The following BCAS3 variants were observed in gnomAD, a reference collection of about 807,000 sequenced individuals.
BCAS3 encodes BCAS3 microtubule associated cell migration factor.
A neutral mutation model predicts 116.1 loss-of-function variants in BCAS3; 53 were observed. The ratio of observed to expected loss-of-function variants is 0.46; its 90% confidence interval spans 0.37 to 0.57. The LOEUF (loss-of-function observed/expected upper bound fraction) is 0.57. BCAS3 is among the 20% of genes least tolerant of loss of function. BCAS3 has a pLI of 0.00. For missense variants in BCAS3, 917 were observed against 1,165.4 expected (o/e 0.79, Z 3.10); for synonymous variants, 391 against 408.2 (o/e 0.96, Z 0.51).
intron 4 of BCAS3, among the ~76,000 whole-genome samples, chr17:60,693,415 G>T (rs61081419): frequency 0.06 from 9,060 of 151,324 alleles, 1,100 homozygotes; most frequent in African/African-American, 0.21. Flanking sequence ...GCCAGTTTTT[G>T]TATTTTTTTT....
intron 7 of BCAS3, among the ~76,000 whole-genome samples, chr17:60,823,772 G>A (rs2050155044): frequency 6.6e-6 from 1 of 152,134 alleles, no homozygotes; most frequent in Non-Finnish European, 1.5e-5. Flanking sequence ...AGCCAATGGT[G>A]CATTAATATT....
In BCAS3 at chr17:61,229,466, A is replaced by G. The variant is rs1263164138; in HGVS notation, c.2426-138861A>G. On this transcript the variant is annotated intron_variant, in intron 22 of 23. Transcript: ENST00000407086. The surrounding 1 kb of genome is among the most constrained non-coding windows in gnomAD (Gnocchi z 4.4). The stretch of plus-strand genomic sequence containing the variant: ...ATCGATGTAGACAGAACAGCCTTCT[A>G]TTGGAAGAAGATGCCATCTAGGACT... Among the ~76,000 whole-genome samples, 1 of 152,236 alleles carries G rather than the reference A, an allele frequency of 6.6e-6. No homozygotes were observed. Among genetic ancestry groups the G allele is most frequent in the African/African-American group, 2.4e-5 (1 of 41,462 alleles).
At chr17:61,231,061 C>G (rs1404646031) in intron 22 of BCAS3, among the ~76,000 whole-genome samples, 2 of 151,328 alleles carry the variant, frequency 1.3e-5, no homozygotes, top group Non-Finnish European at 2.9e-5. Flanking sequence ...ACCTTGGCCT[C>G]CCAAAGTGCT....
At chr17:61,177,913 A>T (rs1307163804) in intron 22 of BCAS3, among the ~76,000 whole-genome samples, 1 of 152,146 alleles carries the variant, frequency 6.6e-6, no homozygotes, top group Non-Finnish European at 1.5e-5. Context: ...TGGCATTTTG[A>T]TTTTGGACTA....
rs1478133339 is a variant in BCAS3 at position 61,025,640 on chromosome 17, G to A, written c.1638-9026G>A. On this transcript the variant is annotated intron_variant, in intron 16 of 23. Transcript: ENST00000407086. Reference sequence around the variant, plus strand: ...TATTTTAAATGTGGATGCTGACATCGTACCGCTGGGTATGTTCTTATCTAA... The same window carrying A: ...TATTTTAAATGTGGATGCTGACATCATACCGCTGGGTATGTTCTTATCTAA... Among the ~76,000 whole-genome samples the A allele has an allele frequency of 3.9e-5, 6 of 152,056 alleles. No individual in the cohort carries two copies. In the East Asian group the frequency reaches 1.2e-3, roughly 29 times the overall value.
chr17:61,274,704 C>T lies in BCAS3; in HGVS notation c.2426-93623C>T, dbSNP rs529523588. Among the ~76,000 whole-genome samples, 11 of 152,208 alleles carry T rather than the reference C, an allele frequency of 7.2e-5. No homozygotes were observed. The South Asian group carries it at 8.3e-4, about 12-fold the overall frequency. Reference sequence around the variant, plus strand: ...GATCAGGAACACAGCAAGGGATGTCCACTCTCACCACTGCTATTCACCCAA... The same window carrying T: ...GATCAGGAACACAGCAAGGGATGTCTACTCTCACCACTGCTATTCACCCAA... On this transcript the variant is annotated intron_variant, in intron 22 of 23. Coordinates refer to ENST00000407086, the MANE Select transcript of BCAS3 (RefSeq NM_017679.5).
intron 19 of BCAS3, among the ~76,000 whole-genome samples, chr17:61,054,252 A>G (rs933833599): frequency 3.9e-5 from 6 of 152,172 alleles, no homozygotes; most frequent in African/African-American, 1.4e-4. Flanking sequence ...ATTACAACCT[A>G]ATGATCTGTA....
At chr17:60,986,921 G>A (rs2063175997) in intron 14 of BCAS3, 1 of 152,066 alleles carries the variant, frequency 6.6e-6, no homozygotes, top group Admixed American at 6.6e-5. Flanking sequence ...TCAATGTTCA[G>A]GAGTTTCCCA....
At position 61,124,030 on chromosome 17, in the gene BCAS3, T is replaced by G. The variant is rs538037553; in HGVS notation, c.2425+39466T>G. On this transcript the variant is annotated intron_variant, in intron 22 of 23. Coordinates refer to ENST00000407086, the MANE Select transcript of BCAS3 (RefSeq NM_017679.5). This position sits in a 1 kb window ranked among gnomAD's most constrained non-coding sequence, Gnocchi z 4.6. ...CTTTTATGTGCTTATACTACATGGT[T>G]TTCAGCTATCAAATGTTATTTCAAA... Among the ~76,000 whole-genome samples, 19 of 152,276 alleles carry G rather than the reference T, an allele frequency of 1.2e-4. No homozygotes were observed. Among genetic ancestry groups the G allele is most frequent in the African/African-American group, 4.6e-4 (19 of 41,554 alleles).
chr17:60,999,524 G>A (rs1235421094), intron 15 of BCAS3, among the ~76,000 whole-genome samples: 2 of 148,904 alleles, frequency 1.3e-5, no homozygotes, highest in South Asian at 2.1e-4. Flanking sequence ...TCCAGCCTGG[G>A]CGACAGGGTG....
chr17:60,959,450 A>T (rs895593323), intron 14 of BCAS3, among the ~76,000 whole-genome samples: 3 of 152,210 alleles, frequency 2.0e-5, no homozygotes, highest in African/African-American at 7.2e-5. Context: ...GAATGAAAAG[A>T]CACAAGTTGT....
chr17:61,102,239 A>G (rs1004958894), intron 22 of BCAS3, among the ~76,000 whole-genome samples: 1 of 152,166 alleles, frequency 6.6e-6, no homozygotes, highest in Non-Finnish European at 1.5e-5. Context: ...AAAGAAACCT[A>G]TTTGGAGAGG....
rs1383745612 is a variant in BCAS3, at chr17:61,021,680, C to T, written c.1637+5779C>T. Among the ~76,000 whole-genome samples, 2 of 152,192 alleles carry T rather than the reference C, an allele frequency of 1.3e-5. No homozygotes were observed. The highest frequency in any genetic ancestry group is 2.9e-5 in the Non-Finnish European group (2 of 68,040). Reference sequence around the variant, plus strand: ...CCAGTGCTGATGGGCTCAGGCCCCACTTAGAAAGCATAGATGCTTTTAAAT... The same window carrying T: ...CCAGTGCTGATGGGCTCAGGCCCCATTTAGAAAGCATAGATGCTTTTAAAT... On this transcript the variant is annotated intron_variant, in intron 16 of 23. Coordinates refer to ENST00000407086, the MANE Select transcript of BCAS3 (RefSeq NM_017679.5). This position sits in a 1 kb window ranked among gnomAD's most constrained non-coding sequence, Gnocchi z 4.6.
intron 15 of BCAS3, among the ~76,000 whole-genome samples, chr17:61,011,498 A>G (rs147139810): frequency 2.6e-5 from 4 of 152,200 alleles, no homozygotes; most frequent in Non-Finnish European, 5.9e-5. Flanking sequence ...CGCAGACTCC[A>G]GTCATCTGGC....
intron 22 of BCAS3, among the ~76,000 whole-genome samples, chr17:61,237,982 T>TA (rs2083196485): frequency 6.6e-6 from 1 of 152,232 alleles, no homozygotes; most frequent in African/African-American, 2.4e-5. Flanking sequence ...TTGGAGAAGA[T>TA]ACAGTTATGA....
intron 11 of BCAS3, among the ~76,000 whole-genome samples, chr17:60,908,410 G>A (rs2058303937): frequency 6.6e-6 from 1 of 152,168 alleles, no homozygotes; most frequent in Admixed American, 6.5e-5. Flanking sequence ...TACAACCAAA[G>A]ACTTTAAAAC....
chr17:60,906,135 A>G (rs1245531849), intron 11 of BCAS3, among the ~76,000 whole-genome samples: 1 of 152,226 alleles, frequency 6.6e-6, no homozygotes, highest in Non-Finnish European at 1.5e-5. Flanking sequence ...TTGTTAGAAA[A>G]GAAATTATTT....
chr17:61,206,954 G>C, intron 22 of BCAS3, among the ~76,000 whole-genome samples: 1 of 150,816 alleles, frequency 6.6e-6, no homozygotes, highest in Non-Finnish European at 1.5e-5. Flanking sequence ...TTTCTACATG[G>C]ATTCAAAATA....
Position 61,083,786 on chromosome 17 carries a change from G to T in BCAS3, c.2328-681G>T, listed in dbSNP as rs1405833415. On this transcript the variant is annotated intron_variant, in intron 21 of 23. Transcript: ENST00000407086. The surrounding 1 kb of genome is among the most constrained non-coding windows in gnomAD (Gnocchi z 4.9). Reference sequence around the variant, plus strand: ...AATTTTTGCATTTTTAGTAGAGACGGGGCTTCACCGTGTTAGCCAGGATGG... The same window carrying T: ...AATTTTTGCATTTTTAGTAGAGACGTGGCTTCACCGTGTTAGCCAGGATGG... 5.9e-5 allele frequency among the ~76,000 whole-genome samples: 9 copies of T among 151,944 alleles called. No homozygotes were observed. Among genetic ancestry groups the T allele is most frequent in the African/African-American group, 2.2e-4 (9 of 41,458 alleles).
Sources: gnomAD v4.1 joint callset for allele counts (sites outside exome capture counted in the v4.1 genomes callset) on GRCh38, gnomAD v4.1.1 for gene constraint, Gnocchi (gnomAD v3.1) non-coding constraint, MANE v1.5 for transcripts, NCBI Gene and HGNC (gene_info 2026-07-23, HGNC 2026-07-21) for gene names.